The following ROS1 variants were observed in gnomAD, a reference collection of about 807,000 sequenced individuals.
ROS1 encodes the protein proto-oncogene tyrosine-protein kinase ROS.
In ROS1, 263 loss-of-function variants were observed where a neutral mutation model predicts 273.5. The observed-to-expected ratio is 0.96, with a 90% CI of 0.87 to 1.06. The LOEUF (loss-of-function observed/expected upper bound fraction) is 1.06, where lower values mean the gene tolerates loss of function less well. Ranked by LOEUF, ROS1 falls within the 50% of genes least tolerant of loss-of-function variation. The pLI, the probability that ROS1 is intolerant of heterozygous loss-of-function variation, is 0.00. For synonymous variants in ROS1, 1,008 were observed against 954.1 expected, an observed-to-expected ratio of 1.06 and a Z score of -1.04; for missense variants, 2,833 against 2,751.1, an observed-to-expected ratio of 1.03 and a Z score of -0.67.
chr6:117,415,101 C>T (rs1287321993), intron 3 of ROS1, among the ~76,000 whole-genome samples: 3 of 152,230 alleles, frequency 2.0e-5, no homozygotes, highest in Non-Finnish European at 4.4e-5. Flanking sequence ...CCTGCCCCAA[C>T]ACAGCTTACA....
intron 13 of ROS1, among the ~76,000 whole-genome samples, chr6:117,388,520 T>C (rs1772781842): frequency 1.3e-5 from 2 of 152,180 alleles, no homozygotes; most frequent in African/African-American, 2.4e-5. Flanking sequence ...GGATCAGGGA[T>C]TGGCAAACTC....
intron 4 of ROS1, 119 bp from the exon 5 acceptor site, chr6:117,409,761 C>T (rs1377756044): frequency 2.7e-5 from 20 of 740,886 alleles, no homozygotes; most frequent in South Asian, 2.4e-4. Context: ...GACCAATATA[C>T]GAGTAAATCT....
intron 27 of ROS1, among the ~76,000 whole-genome samples, chr6:117,349,580 T>G (rs941355671): frequency 6.6e-6 from 1 of 152,072 alleles, no homozygotes; most frequent in African/African-American, 2.4e-5. Context: ...ACTACTAATA[T>G]AGTTAAATTA....
chr6:117,407,513 C>T (rs1181913207), intron 5 of ROS1, among the ~76,000 whole-genome samples: 1 of 152,136 alleles, frequency 6.6e-6, no homozygotes, highest in South Asian at 2.1e-4. Flanking sequence ...GTACCTTTTA[C>T]AAATTTCTAG....
intron 43 of ROS1, among the ~76,000 whole-genome samples, chr6:117,294,278 A>G (rs938172460): frequency 3.9e-5 from 6 of 152,160 alleles, no homozygotes; most frequent in Admixed American, 3.9e-4. Flanking sequence ...CACCACTCTT[A>G]TTCAACATAG....
At chr6:117,342,313 T>C in intron 29 of ROS1, 87 bp downstream of exon 29, 1 of 1,287,542 alleles carries the variant, frequency 7.8e-7, no homozygotes, top group South Asian at 1.4e-5. Flanking sequence ...TACTTCGCAT[T>C]CAGATTTTAA....
chr6:117,320,340 T>C (rs1482200065), intron 36 of ROS1, among the ~76,000 whole-genome samples: 3 of 152,142 alleles, frequency 2.0e-5, no homozygotes, highest in African/African-American at 7.2e-5. Flanking sequence ...TTAGTAGGTA[T>C]TAACTTCTTC....
Position 117,344,208 on chromosome 6 carries a change from G to A in ROS1, c.4358C>T (p.Ala1453Val), listed in dbSNP as rs765083865. The A allele has an allele frequency of 2.0e-5, 32 of 1,613,894 alleles. No individual in the cohort carries two copies. In the Admixed American group the frequency reaches 2.2e-4, roughly 11 times the overall value. Residue 1453 changes from alanine (A) to valine (V), a missense_variant, in exon 28 of 44, where the codon GCC becomes GTC. Physicochemically the swap from Ala to Val is moderately conservative, Grantham distance 64. Transcript: ENST00000368507. ...SDTVEPTILN[A>V]TNTSLTIRLP... ...TCTGATTGTGAGGCTAGTGTTAGTGGCATTAAGTATAGTTGGTTCCACAGT... is the reference window on the plus strand; with the variant it reads ...TCTGATTGTGAGGCTAGTGTTAGTGACATTAAGTATAGTTGGTTCCACAGT...
rs775126479 is a variant in ROS1, at chr6:117,344,171, G to T, written c.4395C>A (p.Ala1465=). ...TGCCATACCATGTGAGGTTTGTCTTGGCCAGAGGTAATCTGATTGTGAGGC... is the reference window on the plus strand; with the variant it reads ...TGCCATACCATGTGAGGTTTGTCTTTGCCAGAGGTAATCTGATTGTGAGGC... ...NTSLTIRLPL[A]KTNLTWYGIT... The change falls in exon 28 of 44, where the codon GCC becomes GCA. Residue 1465 remains alanine (A), a synonymous_variant. Coordinates refer to ENST00000368507, the MANE Select transcript of ROS1 (RefSeq NM_001378902.1). The T allele has an allele frequency of 2.9e-5, 46 of 1,613,786 alleles. No homozygotes were observed. The highest frequency in any genetic ancestry group is 3.3e-4 in the Middle Eastern group (2 of 6,082).
At chr6:117,322,747 C>T (rs879545101) in intron 35 of ROS1, among the ~76,000 whole-genome samples, 2 of 152,160 alleles carry the variant, frequency 1.3e-5, no homozygotes, top group Admixed American at 6.6e-5. Context: ...TTTTCTCATG[C>T]ACACACACGC....
chr6:117,408,816 A>G (rs956292724), intron 5 of ROS1, among the ~76,000 whole-genome samples: 1 of 152,172 alleles, frequency 6.6e-6, no homozygotes, highest in African/African-American at 2.4e-5. Flanking sequence ...AACCAACCCA[A>G]ATGTCCAACA....
intron 12 of ROS1, among the ~76,000 whole-genome samples, chr6:117,390,695 C>G (rs1772996248): frequency 1.3e-5 from 2 of 152,074 alleles, no homozygotes; most frequent in African/African-American, 4.8e-5. Context: ...ACAATTGATG[C>G]AGGCAATAGA....
rs566391754 is a variant in ROS1 at position 117,341,496 on chromosome 6, T to C, written c.4788A>G (p.Leu1596=). The change falls in exon 30 of 44, where the codon CTA becomes CTG. Residue 1596 remains leucine, a synonymous_variant. Transcript: ENST00000368507. ...RYQLAISHLA[L]IPETPLRQSE... ...TTTGTCTTAGAGGAGTTTCAGGAAT[T>C]AGGGCCAGGTGTGAGATTGCCAACT... 5.6e-6 allele frequency: 9 copies of C among 1,613,858 alleles called. No individual in the cohort carries two copies. The Admixed American group carries it at 6.7e-5, about 12-fold the overall frequency.
chr6:117,307,855 G>A (rs564743740), intron 42 of ROS1, among the ~76,000 whole-genome samples: 6 of 152,128 alleles, frequency 3.9e-5, no homozygotes, highest in South Asian at 2.1e-4. Flanking sequence ...GTGTGCATCC[G>A]CATACTGCTA....
chr6:117,312,227 T>C (rs560220068), intron 39 of ROS1, among the ~76,000 whole-genome samples: 1 of 152,204 alleles, frequency 6.6e-6, no homozygotes, highest in South Asian at 2.1e-4. Flanking sequence ...TGTTTCTTGA[T>C]TTCCATGGAC....
rs567193272 is a variant in ROS1 at position 117,396,086 on chromosome 6, G to A, written c.883+102C>T. 3.2e-4 allele frequency: 207 copies of A among 653,462 alleles called. 4 individuals are homozygous for A. In the South Asian group the frequency reaches 4.9e-3, roughly 15 times the overall value. 40.5% of individuals were successfully genotyped at this position (653,462 alleles called of 1,614,324 possible). A position where few individuals can be genotyped will look rare whatever the true frequency, so the allele number is the denominator to read the frequency against. Reference sequence around the variant, plus strand: ...AGACAATAATCATTTGGGCAGAAGAGGTGGGTCTTGAGGTCTACCAGGTGA... The same window carrying A: ...AGACAATAATCATTTGGGCAGAAGAAGTGGGTCTTGAGGTCTACCAGGTGA... On this transcript the variant is annotated intron_variant, in intron 9 of 43. Coordinates refer to ENST00000368507, the MANE Select transcript of ROS1 (RefSeq NM_001378902.1).
intron 17 of ROS1, 130 bp from the exon 18 acceptor site, chr6:117,379,289 CT>C (rs971720701): frequency 4.0e-5 from 24 of 603,590 alleles, no homozygotes; most frequent in African/African-American, 3.7e-4. Flanking sequence ...GTAATTTTTA[CT>C]TTTTTCTGAC....
intron 31 of ROS1, among the ~76,000 whole-genome samples, chr6:117,337,721 T>C (rs1000220557): frequency 1.2e-4 from 19 of 152,286 alleles, no homozygotes; most frequent in Non-Finnish European, 1.8e-4. Context: ...ACAATGGTAA[T>C]TTCAAATCCC....
At chr6:117,311,887 G>T (rs1326733871) in intron 39 of ROS1, among the ~76,000 whole-genome samples, 2 of 152,002 alleles carry the variant, frequency 1.3e-5, no homozygotes, top group Non-Finnish European at 2.9e-5. Flanking sequence ...CCTTTCCATT[G>T]TCCTGCAATT....
Sources: allele counts gnomAD v4.1 joint callset (sites outside exome capture counted in the v4.1 genomes callset), GRCh38; gene constraint gnomAD v4.1.1; transcripts MANE v1.5; gene names NCBI Gene and HGNC (gene_info 2026-07-23, HGNC 2026-07-21).